Variants in GSTA5 observed in about 807,000 individuals in gnomAD.
The protein encoded by GSTA5 is glutathione S-transferase A5.
GSTA5 carries 25 observed loss-of-function variants against 21.8 expected under a neutral mutation model. The ratio of observed to expected loss-of-function variants is 1.14; its 90% CI spans 0.83 to 1.60. The LOEUF (loss-of-function observed/expected upper bound fraction) is 1.60. GSTA5 is among the 40% of genes most tolerant of loss of function. The pLI is 0.00. For synonymous variants in GSTA5, 102 were observed against 89.5 expected (o/e 1.14, Z -0.78); for missense variants, 330 against 259.2 (o/e 1.27, Z -1.88).
At chr6:52,841,376 C>T (rs938820658), upstream of GSTA5, among the ~76,000 whole-genome samples, 1 of 152,170 alleles carries the variant, frequency 6.6e-6, no homozygotes. Context: ...GCCCTGGGAA[C>T]CCATGAACTG....
Position 52,836,380 on chromosome 6 carries a change from GAA to G in GSTA5, c.140-14_140-13del. On this transcript the variant is annotated splice_polypyrimidine_tract_variant and intron_variant, in intron 2 of 5. Transcript: ENST00000370989. ...CAGCAAACTCCCATCTTAGAAAGAAGAAAAAAAAAGGAGTATGAAGTGTCTAT... is the reference window on the plus strand; with the variant it reads ...CAGCAAACTCCCATCTTAGAAAGAAGAAAAAAAGGAGTATGAAGTGTCTAT... The G allele has an allele frequency of 6.6e-7, 1 of 1,523,664 alleles. No homozygotes were observed. 94.4% of individuals were successfully genotyped at this position (1,523,664 alleles called of 1,614,324 possible).
chr6:52,836,381 A>G lies in GSTA5; in HGVS notation c.140-13T>C, dbSNP rs574871090. 1.1e-4 allele frequency: 178 copies of G among 1,569,224 alleles called. No individual in the cohort carries two copies. The highest frequency in any genetic ancestry group is 1.5e-4 in the Non-Finnish European group (175 of 1,150,610). ...AGCAAACTCCCATCTTAGAAAGAAG[A>G]AAAAAAAAGGAGTATGAAGTGTCTA... On this transcript the variant is annotated splice_polypyrimidine_tract_variant and intron_variant, in intron 2 of 5. Transcript: ENST00000370989.
chr6:52,834,026 G>A (rs1200054653), intron 4 of GSTA5, 115 bp downstream of exon 4: 7 of 1,106,590 alleles, frequency 6.3e-6, no homozygotes, highest in African/African-American at 3.1e-5. Context: ...GTGCTGCCTT[G>A]GTGTTCATGA....
intron 3 of GSTA5, among the ~76,000 whole-genome samples, chr6:52,835,265 T>C (rs1471514174): frequency 2.6e-5 from 4 of 152,236 alleles, no homozygotes; most frequent in Non-Finnish European, 4.4e-5. Flanking sequence ...AAAAGAATCC[T>C]ATAATACTTG....
At chr6:52,837,425 T>G in intron 2 of GSTA5, 133 bp downstream of exon 2, 1 of 557,078 alleles carries the variant, frequency 1.8e-6, no homozygotes, top group Non-Finnish European at 3.2e-6. Flanking sequence ...ATCCCTTCCA[T>G]TTTAACCACT....
upstream of GSTA5, among the ~76,000 whole-genome samples, chr6:52,841,229 T>A (rs184573981): frequency 6.6e-6 from 1 of 152,336 alleles, no homozygotes; most frequent in African/African-American, 2.4e-5. Flanking sequence ...TAAATGGTTG[T>A]TTTCTCCAAT....
chr6:52,835,080 A>G (rs550689680), intron 3 of GSTA5, among the ~76,000 whole-genome samples: 1 of 152,344 alleles, frequency 6.6e-6, no homozygotes, highest in South Asian at 2.1e-4. Context: ...GGATTCACAG[A>G]ATTCTGTAAA....
intron 1 of GSTA5, among the ~76,000 whole-genome samples, chr6:52,838,445 T>A (rs562627097): frequency 7.9e-5 from 12 of 152,234 alleles, no homozygotes; most frequent in Non-Finnish European, 1.2e-4. Context: ...TAGTAACTGC[T>A]CGTTAAATAT....
At chr6:52,832,189 G>C (rs1306614880) in intron 5 of GSTA5, among the ~76,000 whole-genome samples, 6 of 152,214 alleles carry the variant, frequency 3.9e-5, no homozygotes, top group South Asian at 2.1e-4. Flanking sequence ...GTTTTAATCA[G>C]TTCAGTCATC....
chr6:52,832,491 A>T (rs1299744032), intron 5 of GSTA5, among the ~76,000 whole-genome samples: 1 of 152,184 alleles, frequency 6.6e-6, no homozygotes, highest in Admixed American at 6.5e-5. Context: ...CCAGATGGAA[A>T]GGGCTCTGCT....
intron 1 of GSTA5, among the ~76,000 whole-genome samples, chr6:52,838,399 A>G (rs1390359786): frequency 1.3e-5 from 2 of 152,260 alleles, no homozygotes; most frequent in Non-Finnish European, 2.9e-5. Flanking sequence ...TTAAATTACA[A>G]GGTCATGCAA....
upstream of GSTA5, among the ~76,000 whole-genome samples, chr6:52,845,843 G>A (rs114061718): frequency 2.9e-3 from 441 of 152,186 alleles, 2 homozygotes; most frequent in African/African-American, 0.01. Context: ...TGAGGCCCTG[G>A]TTTTCTAAAT....
At chr6:52,840,873 T>A, upstream of GSTA5, 2 of 1,457,488 alleles carry the variant, frequency 1.4e-6, no homozygotes, top group Non-Finnish European at 1.9e-6. Flanking sequence ...ATTGAAACGA[T>A]AGAATCAAAA....
intron 3 of GSTA5, among the ~76,000 whole-genome samples, chr6:52,835,204 A>G (rs535365223): frequency 6.4e-4 from 98 of 152,292 alleles, no homozygotes; most frequent in African/African-American, 2.3e-3. Flanking sequence ...CCAGGCAACC[A>G]CTAATCTACT....
Position 52,837,172 on chromosome 6 carries a change from C to G in GSTA5, c.139+386G>C, listed in dbSNP as rs531998326. On this transcript the variant is annotated intron_variant, in intron 2 of 5. Coordinates refer to ENST00000370989, the Ensembl canonical transcript of GSTA5. ...GTCACGCCCCCCCATGAAAGAAAAA[C>G]CTCAAGGCAATGGCCACGTCGATTT... Among the ~76,000 whole-genome samples, 12 of 152,296 alleles carry G rather than the reference C, an allele frequency of 7.9e-5. No individual in the cohort carries two copies. In the Middle Eastern group the frequency reaches 0.01, roughly 130 times the overall value.
chr6:52,838,027 T>G (rs983762853), intron 1 of GSTA5, among the ~76,000 whole-genome samples: 2 of 152,212 alleles, frequency 1.3e-5, no homozygotes, highest in African/African-American at 4.8e-5. Context: ...CATCAAATAT[T>G]CTGCCACCAA....
At chr6:52,842,140 G>A (rs190511763), upstream of GSTA5, among the ~76,000 whole-genome samples, 1 of 152,292 alleles carries the variant, frequency 6.6e-6, no homozygotes, top group Admixed American at 6.5e-5. Flanking sequence ...TCTATCCCAG[G>A]CTGTTTGGGA....
At chr6:52,842,924 C>T (rs1359311909), upstream of GSTA5, among the ~76,000 whole-genome samples, 3 of 152,072 alleles carry the variant, frequency 2.0e-5, no homozygotes, top group African/African-American at 7.2e-5. Flanking sequence ...ACTATAGGTC[C>T]CGGTGTGTGA....
exon 6 of GSTA5, chr6:52,831,821 A>T: frequency 1.2e-6 from 2 of 1,613,424 alleles, no homozygotes; most frequent in Non-Finnish European, 1.7e-6. Context: ...TTGGTCTGGC[A>T]TGTTCTTGGC....
Sources: gnomAD v4.1 joint callset for allele counts (sites outside exome capture counted in the v4.1 genomes callset) on GRCh38, gnomAD v4.1.1 for gene constraint, MANE v1.5 for transcripts, NCBI Gene and HGNC (gene_info 2026-07-23, HGNC 2026-07-21) for gene names.